SEZ6: variants seen among roughly 807,000 people sequenced by gnomAD.
SEZ6 encodes seizure related 6 homolog.
SEZ6 carries 53 observed loss-of-function variants against 101.0 expected under a neutral mutation model. The observed-to-expected ratio is 0.52, with a 90% CI of 0.42 to 0.66. SEZ6 has a LOEUF of 0.66. Ranked by LOEUF, SEZ6 falls within the 30% of genes least tolerant of loss-of-function variation. SEZ6 has a pLI of 0.00. For missense variants in SEZ6, 1,102 were observed against 1,289.4 expected, an observed-to-expected ratio of 0.85 and a Z score of 2.23; for synonymous variants, 488 against 512.2, an observed-to-expected ratio of 0.95 and a Z score of 0.64.
In SEZ6 at chr17:29,004,780, TG is replaced by T. The variant is rs367904388; in HGVS notation, c.55+1034del. Among the ~76,000 whole-genome samples the T allele has an allele frequency of 2.5e-3, 375 of 152,246 alleles. 1 individual carries two copies. Among genetic ancestry groups the T allele is most frequent in the African/African-American group, 8.3e-3 (346 of 41,550 alleles). Reference sequence around the variant, plus strand: ...AGCCTACTGCAGCGGGAGAAGGACGTGGGTGCCAGTAGCTTCCATGAGAGCT... The same window carrying T: ...AGCCTACTGCAGCGGGAGAAGGACGTGGTGCCAGTAGCTTCCATGAGAGCT... On this transcript the variant is annotated intron_variant, in intron 1 of 16. Transcript: ENST00000317338.
chr17:28,976,662 G>T (rs2041225328), intron 3 of SEZ6, among the ~76,000 whole-genome samples: 1 of 152,184 alleles, frequency 6.6e-6, no homozygotes, highest in Non-Finnish European at 1.5e-5. Flanking sequence ...CTGTCAGCCT[G>T]GGCAGAAGGA....
intron 4 of SEZ6, among the ~76,000 whole-genome samples, chr17:28,966,321 A>C (rs1038659786): frequency 1.2e-4 from 16 of 128,244 alleles, no homozygotes; most frequent in Non-Finnish European, 2.1e-4. Context: ...TAAAAATACA[A>C]AAAAAAAAAA....
At chr17:28,963,883 C>T in intron 5 of SEZ6, 79 bp downstream of exon 5, 1 of 1,507,018 alleles carries the variant, frequency 6.6e-7, no homozygotes, top group Non-Finnish European at 9.0e-7. Flanking sequence ...ATGAAAGTGG[C>T]AGAGAGCAAC....
rs148180096 is a variant in SEZ6 at position 28,993,077 on chromosome 17, C to T, written c.56-11038G>A. On this transcript the variant is annotated intron_variant, in intron 1 of 16. Coordinates refer to ENST00000317338, the MANE Select transcript of SEZ6 (RefSeq NM_178860.5). Reference sequence around the variant, plus strand: ...CTGACCTTGAGGTAGGGGCAGGAATCGACCCCAGCCTCTGGGGTAGGATGG... The same window carrying T: ...CTGACCTTGAGGTAGGGGCAGGAATTGACCCCAGCCTCTGGGGTAGGATGG... Among the ~76,000 whole-genome samples, 141 of 152,040 alleles carry T rather than the reference C, an allele frequency of 9.3e-4. 1 individual carries two copies. Among genetic ancestry groups the T allele is most frequent in the African/African-American group, 2.6e-3 (106 of 41,464 alleles).
Position 28,956,181 on chromosome 17 carries a change from T to A in SEZ6, c.2930A>T (p.Asp977Val). 1 of 1,313,740 alleles carries A rather than the reference T, an allele frequency of 7.6e-7. No individual in the cohort carries two copies. The highest frequency in any genetic ancestry group is 1.0e-6 in the Non-Finnish European group (1 of 991,400). The allele number at this position is 1,313,740 out of a possible 1,614,324, so 81.4% of individuals were successfully genotyped here. Residue 977 changes from aspartate to valine, a missense_variant, in exon 16 of 17, where the codon GAC becomes GTC. Asp to Val is a radical substitution (Grantham distance 152). This residue lies in a region of SEZ6 where 140 missense variants were observed against 135.7 expected (regional missense o/e 1.03). Coordinates refer to ENST00000317338, the MANE Select transcript of SEZ6 (RefSeq NM_178860.5). Reference protein sequence around the residue: ...YNRITIESAFDNPTYETGSLS... With the variant: ...YNRITIESAFVNPTYETGSLS... ...TACTCCAGTCTCGTAAGTTGGATTG[T>A]CAAACGCTGACTCTATGGTAATGCG... is the stretch of plus-strand genomic sequence containing the variant.
In SEZ6 at chr17:28,960,965, C is replaced by T. The variant is rs776212951; in HGVS notation, c.1249G>A (p.Gly417Ser). The change falls in exon 6 of 17, where the codon GGC (glycine) becomes AGC (serine). Residue 417 changes from glycine (G) to serine (S), a missense_variant. Physicochemically the swap from Gly to Ser is moderately conservative, Grantham distance 56. This residue lies in a region of SEZ6 where 556 missense variants were observed against 735.1 expected (regional missense o/e 0.76). Coordinates refer to ENST00000317338, the MANE Select transcript of SEZ6 (RefSeq NM_178860.5). ...GTGGTGGCATTGCGGATCACTCCGC[C>T]GCAAGCAGCTGTTAAGACCAGGACA... The part of the protein sequence containing the change: ...SKEPVCIAAC[G>S]GVIRNATTGR... 8.1e-6 allele frequency: 13 copies of T among 1,612,824 alleles called. No homozygotes were observed. The highest frequency in any genetic ancestry group is 2.2e-5 in the South Asian group (2 of 91,034).
Position 28,956,271 on chromosome 17 carries a change from A to G in SEZ6, c.2850-10T>C. 1.3e-6 allele frequency: 2 copies of G among 1,596,188 alleles called. No homozygotes were observed. Among genetic ancestry groups the G allele is most frequent in the Non-Finnish European group, 8.5e-7 (1 of 1,171,674 alleles). On this transcript the variant is annotated splice_polypyrimidine_tract_variant and intron_variant, in intron 15 of 16. Transcript: ENST00000317338. ...GCTTTTTCCCTGGAGCCTGTGGGGC[A>G]GAGAAGCCTGCAAGTCAGGAGCACT...
At chr17:29,000,300 G>A (rs575264674) in intron 1 of SEZ6, among the ~76,000 whole-genome samples, 181 of 152,328 alleles carry the variant, frequency 1.2e-3, no homozygotes, top group African/African-American at 4.2e-3. Context: ...CTTTGGAGTA[G>A]CCTTACTACT....
At chr17:28,987,296 G>A (rs1307440299) in intron 1 of SEZ6, among the ~76,000 whole-genome samples, 1 of 152,224 alleles carries the variant, frequency 6.6e-6, no homozygotes, top group Non-Finnish European at 1.5e-5. Flanking sequence ...TGAGGGAGCT[G>A]AGAGTGCTTG....
At position 28,960,661 on chromosome 17, in the gene SEZ6, G is replaced by A. The variant is rs1339736826; in HGVS notation, c.1420C>T (p.Arg474Cys). Residue 474 changes from arginine (R) to cysteine (C), a missense_variant, in exon 7 of 17, where the codon CGC (arginine) becomes TGC (cysteine). Arg to Cys is a radical substitution (Grantham distance 180). This residue lies in a region of SEZ6 where 556 missense variants were observed against 735.1 expected (regional missense o/e 0.76). Coordinates refer to ENST00000317338, the MANE Select transcript of SEZ6 (RefSeq NM_178860.5). ...GGGGCCTCCACGTTGTCCCCATTGC[G>A]AATGATGAGCCTGAACCAGGAGAGT... ...LAEDDDRLII[R>C]NGDNVEAPPV... 1.1e-5 allele frequency: 17 copies of A among 1,606,566 alleles called. No individual in the cohort carries two copies. Among genetic ancestry groups the A allele is most frequent in the Admixed American group, 3.4e-5 (2 of 58,564 alleles).
chr17:28,958,938 A>G, intron 10 of SEZ6, 87 bp downstream of exon 10: 1 of 1,395,552 alleles, frequency 7.2e-7, no homozygotes, highest in Non-Finnish European at 9.7e-7. Context: ...CTTGTCTGAG[A>G]CAGCATTCAG....
At chr17:28,988,782 C>A (rs2041418654) in intron 1 of SEZ6, among the ~76,000 whole-genome samples, 1 of 152,256 alleles carries the variant, frequency 6.6e-6, no homozygotes, top group African/African-American at 2.4e-5. Context: ...AGAACATGAG[C>A]CCTTGTAGCA....
chr17:28,982,115 G>C, intron 1 of SEZ6, 76 bp from the exon 2 acceptor site: 1 of 1,474,430 alleles, frequency 6.8e-7, no homozygotes, highest in Middle Eastern at 1.8e-4. Context: ...GAGTAGTGGG[G>C]GGGCCCGCTC....
intron 1 of SEZ6, among the ~76,000 whole-genome samples, chr17:28,989,760 G>A (rs1313479382): frequency 6.6e-6 from 1 of 152,032 alleles, no homozygotes; most frequent in Non-Finnish European, 1.5e-5. Context: ...CCAAAACTAA[G>A]CCACCTTTTA....
At chr17:28,993,449 A>G (rs1386688476) in intron 1 of SEZ6, among the ~76,000 whole-genome samples, 1 of 152,148 alleles carries the variant, frequency 6.6e-6, no homozygotes, top group Non-Finnish European at 1.5e-5. Context: ...AGCCACTTCT[A>G]CCACCACCAT....
At position 28,964,057 on chromosome 17, in the gene SEZ6, T is replaced by C; in HGVS notation, c.1145A>G (p.His382Arg). The stretch of plus-strand genomic sequence containing the variant: ...CTTCAGCTGGTAGCCAGTGGCACAA[T>C]GGAAGCGGGCACTACCCCCTGGGTG... The part of the protein sequence containing the change: ...SLHPGGSARF[H>R]CATGYQLKGA... The change falls in exon 5 of 17, where the codon CAT (histidine) becomes CGT (arginine). Residue 382 changes from histidine (H) to arginine (R), a missense_variant. Coordinates refer to ENST00000317338, the MANE Select transcript of SEZ6 (RefSeq NM_178860.5). 1 of 1,610,340 alleles carries C rather than the reference T, an allele frequency of 6.2e-7. No homozygotes were observed. Among genetic ancestry groups the C allele is most frequent in the Non-Finnish European group, 8.5e-7 (1 of 1,178,288 alleles).
intron 15 of SEZ6, 41 bp from the exon 16 acceptor site, chr17:28,956,302 G>A (rs1206895615): frequency 1.3e-6 from 2 of 1,586,450 alleles, no homozygotes; most frequent in African/African-American, 2.7e-5. Flanking sequence ...GCACTGGGTA[G>A]GAGTGAGGTA....
chr17:28,981,512 A>C lies in SEZ6; in HGVS notation c.583T>G (p.Trp195Gly). The C allele has an allele frequency of 6.2e-7, 1 of 1,610,218 alleles. No homozygotes were observed. Residue 195 changes from tryptophan to glycine, a missense_variant, in exon 2 of 17, where the codon TGG becomes GGG. This residue lies in a region of SEZ6 where 406 missense variants were observed against 418.6 expected (regional missense o/e 0.97). Transcript: ENST00000317338. ...CCCTGGGACACAACCTCTGCAACCC[A>C]CGGCCTTCCCATGTCTCCAGGACCC... ...QEGPGDMGRP[W>G]VAEVVSQGAG...
rs1416722707 is a variant in SEZ6, at chr17:28,959,429, G to A, written c.1815C>T (p.Leu605=). The A allele has an allele frequency of 6.2e-7, 1 of 1,613,678 alleles. No individual in the cohort carries two copies. Among genetic ancestry groups the A allele is most frequent in the Non-Finnish European group, 8.5e-7 (1 of 1,179,872 alleles). ...GEITDSAGVV[L]SPNWPEPYGR... ...CGTAGGGCTCTGGCCAGTTGGGAGAGAGTACCACGCCAGCCGAGTCTGTGA... is the reference window on the plus strand; with the variant it reads ...CGTAGGGCTCTGGCCAGTTGGGAGAAAGTACCACGCCAGCCGAGTCTGTGA... The change falls in exon 9 of 17, where the codon CTC becomes CTT. Residue 605 remains leucine (L), a synonymous_variant. Coordinates refer to ENST00000317338, the MANE Select transcript of SEZ6 (RefSeq NM_178860.5). This position sits in a 1 kb window ranked among gnomAD's most constrained non-coding sequence, Gnocchi z 4.4.
Sources: gnomAD v4.1 joint callset for allele counts (sites outside exome capture counted in the v4.1 genomes callset) on GRCh38, gnomAD v4.1.1 for gene constraint, gnomAD v4.1.1 regional missense constraint, Gnocchi (gnomAD v3.1) non-coding constraint, MANE v1.5 for transcripts, NCBI Gene and HGNC (gene_info 2026-07-23, HGNC 2026-07-21) for gene names.